The following MEG3 variants were observed in gnomAD, a reference collection of about 807,000 sequenced individuals.
The protein encoded by MEG3 is Very putative protein from MEG3 locus.
chr14:100,846,502 G>A (rs568097151), intron 3 of MEG3: 1 of 152,422 alleles, frequency 6.6e-6, no homozygotes, highest in Admixed American at 6.5e-5. Flanking sequence ...TGGTGACTCA[G>A]TGAGAAGAAG....
chr14:100,843,442 G>T (rs2037818527), intron 2 of MEG3, among the ~76,000 whole-genome samples: 1 of 152,158 alleles, frequency 6.6e-6, no homozygotes, highest in African/African-American at 2.4e-5. Context: ...GTAGATAATG[G>T]GTGGTCTGGC....
exon 2 of MEG3, chr14:100,860,926 C>T (rs955537671): frequency 8.7e-6 from 3 of 345,560 alleles, no homozygotes; most frequent in Non-Finnish European, 1.7e-5. Flanking sequence ...TCACCTACCT[C>T]ACAGGGCTGT....
intron 3 of MEG3, chr14:100,850,889 G>A (rs1304322530): frequency 6.6e-6 from 1 of 152,210 alleles, no homozygotes; most frequent in African/African-American, 2.4e-5. Context: ...AAGGAAGGAG[G>A]GAAAAAGGGA....
intron 3 of MEG3, chr14:100,850,208 T>C (rs775186266): frequency 2.6e-5 from 4 of 152,118 alleles, no homozygotes; most frequent in Non-Finnish European, 5.9e-5. Flanking sequence ...GTGCTTGACG[T>C]AGGAGCAGTA....
Position 100,826,548 on chromosome 14 carries a change from G to A in MEG3, n.372-2160G>A, listed in dbSNP as rs534457294. Among the ~76,000 whole-genome samples the A allele has an allele frequency of 1.6e-4, 25 of 152,300 alleles. No homozygotes were observed. In the South Asian group the frequency reaches 5.2e-3, roughly 32 times the overall value. On this transcript the variant is annotated intron_variant and non_coding_transcript_variant, in intron 1 of 2. Coordinates refer to ENST00000556407, the Ensembl canonical transcript of MEG3. ...GATTCGGGTATACGGCAGTCACTGG[G>A]GGGCGAACCCCGGATTTCCTGTATT... is the stretch of plus-strand genomic sequence containing the variant.
At chr14:100,838,019 C>T (rs1212056058) in intron 2 of MEG3, among the ~76,000 whole-genome samples, 1 of 152,088 alleles carries the variant, frequency 6.6e-6, no homozygotes, top group East Asian at 1.9e-4. Context: ...CACCTGCAAA[C>T]ACAGTGATGT....
At chr14:100,826,181 G>A (rs1051161574) in intron 1 of MEG3, 8 of 152,188 alleles carry the variant, frequency 5.3e-5, no homozygotes, top group Non-Finnish European at 1.0e-4. Context: ...CGGCTCCTCA[G>A]GAGAGCTGGG....
At chr14:100,838,480 C>T (rs1044312019) in intron 2 of MEG3, among the ~76,000 whole-genome samples, 4 of 152,162 alleles carry the variant, frequency 2.6e-5, no homozygotes, top group African/African-American at 7.2e-5. Context: ...CGGGAACTGC[C>T]GAAAGGCCAC....
rs999567392 is a variant in MEG3, at chr14:100,837,257, T to C, written n.3045+957T>C. Among the ~76,000 whole-genome samples the C allele has an allele frequency of 2.8e-4, 43 of 152,192 alleles. No homozygotes were observed. Among genetic ancestry groups the C allele is most frequent in the African/African-American group, 1.0e-3 (43 of 41,452 alleles). ...AGGCTCAGCTGAGGCCACTTTCCTT[T>C]CTGGGGGTCCCAGGGACTGAGTCTG... On this transcript the variant is annotated intron_variant and non_coding_transcript_variant, in intron 2 of 3. Coordinates refer to the MEG3 transcript ENST00000398461. The surrounding 1 kb of genome is among the most constrained non-coding windows in gnomAD (Gnocchi z 5.8).
downstream of MEG3, chr14:100,833,018 A>G (rs1469330876): frequency 6.6e-6 from 1 of 152,274 alleles, no homozygotes; most frequent in Non-Finnish European, 1.5e-5. Flanking sequence ...GTAGGAAAGT[A>G]CTAACTCCTG....
At chr14:100,850,860 T>C (rs1448687215) in intron 3 of MEG3, 2 of 151,100 alleles carry the variant, frequency 1.3e-5, no homozygotes, top group Non-Finnish European at 3.0e-5. Context: ...GAAGAAAGGG[T>C]GGTAGGAAGG....
chr14:100,848,057 C>T (rs181453593), intron 3 of MEG3: 34 of 151,344 alleles, frequency 2.2e-4, no homozygotes, highest in Admixed American at 1.7e-3. Flanking sequence ...GCTCCGAAGA[C>T]AAAGTGCAAG....
Position 100,845,225 on chromosome 14 carries a change from A to C in MEG3, n.3046-233A>C, listed in dbSNP as rs2037882284. Among the ~76,000 whole-genome samples, 1 of 152,186 alleles carries C rather than the reference A, an allele frequency of 6.6e-6. No individual in the cohort carries two copies. The highest frequency in any genetic ancestry group is 2.1e-4 in the South Asian group (1 of 4,828). On this transcript the variant is annotated intron_variant and non_coding_transcript_variant, in intron 2 of 3. Transcript: ENST00000398461. This position sits in a 1 kb window ranked among gnomAD's most constrained non-coding sequence, Gnocchi z 5.2. The stretch of plus-strand genomic sequence containing the variant: ...TCGCTCCGTGAACAGCACCAACCCA[A>C]GTCTGTTCCATGTCTCCACACCTGC...
upstream of MEG3, chr14:100,855,629 C>T (rs2038216938): frequency 6.6e-6 from 1 of 152,290 alleles, no homozygotes; most frequent in Non-Finnish European, 1.5e-5. Flanking sequence ...GGTTGTAACT[C>T]ATCCATTCAT....
chr14:100,845,112 A>G lies in MEG3; in HGVS notation n.3046-346A>G, dbSNP rs927392998. ...GGGCACCTTGCTTCTGCCAGAGCAC[A>G]GGTTCATGCCCTGTCTTCAGGGCCT... On this transcript the variant is annotated intron_variant and non_coding_transcript_variant, in intron 2 of 3. Transcript: ENST00000398461. This position sits in a 1 kb window ranked among gnomAD's most constrained non-coding sequence, Gnocchi z 5.2. Among the ~76,000 whole-genome samples the G allele has an allele frequency of 1.2e-4, 19 of 152,192 alleles. No individual in the cohort carries two copies. Among genetic ancestry groups the G allele is most frequent in the African/African-American group, 3.4e-4 (14 of 41,454 alleles).
intron 1 of MEG3, among the ~76,000 whole-genome samples, chr14:100,827,127 G>A (rs1191650204): frequency 1.3e-5 from 2 of 152,094 alleles, no homozygotes; most frequent in Non-Finnish European, 2.9e-5. Flanking sequence ...GTGGTCGCTC[G>A]AAAATCCTGA....
intron 2 of MEG3, among the ~76,000 whole-genome samples, chr14:100,840,086 C>A (rs563046687): frequency 6.6e-6 from 1 of 152,170 alleles, no homozygotes. Context: ...CTGGGGCCGC[C>A]GTGGGCCTCC....
At chr14:100,836,000 G>A (rs775063081) in intron 1 of MEG3, 61 of 341,860 alleles carry the variant, frequency 1.8e-4, no homozygotes, top group Non-Finnish European at 2.6e-4. Context: ...AACCCAGCCC[G>A]TTGCTGCTTT....
chr14:100,853,909 G>C (rs996396305), upstream of MEG3: 4 of 152,184 alleles, frequency 2.6e-5, no homozygotes, highest in African/African-American at 9.7e-5. Flanking sequence ...ATTGGCCTTT[G>C]TATCTCTGAT....
Sources: allele counts gnomAD v4.1 joint callset (sites outside exome capture counted in the v4.1 genomes callset), GRCh38; gene constraint gnomAD v4.1.1; non-coding constraint Gnocchi (gnomAD v3.1); transcripts MANE v1.5; gene names NCBI Gene and HGNC (gene_info 2026-07-23, HGNC 2026-07-21).